FMN1: variants seen among roughly 807,000 people sequenced by gnomAD.
The protein encoded by FMN1 is formin-1.
A neutral mutation model predicts 132.4 loss-of-function variants in FMN1; 110 were observed. The ratio of observed to expected loss-of-function variants is 0.83; its 90% CI spans 0.71 to 0.97. FMN1 has a LOEUF of 0.97. Ranked by LOEUF, FMN1 falls within the 50% of genes least tolerant of loss-of-function variation. The pLI, the probability that FMN1 is intolerant of heterozygous loss-of-function variation, is 0.00. For synonymous variants in FMN1, 722 were observed against 651.7 expected (o/e 1.11, Z -1.64); for missense variants, 1,792 against 1,705.3 (o/e 1.05, Z -0.90).
At chr15:32,921,722 G>A (rs2140325778) in intron 10 of FMN1, among the ~76,000 whole-genome samples, 1 of 148,658 alleles carries the variant, frequency 6.7e-6, no homozygotes, top group Admixed American at 6.8e-5. Context: ...TGTTGCCCAG[G>A]CTGGAGTACA....
rs1384724114 is a variant in FMN1, at chr15:33,066,961, G to C, written c.2044-1887C>G. On this transcript the variant is annotated intron_variant, in intron 5 of 20. Coordinates refer to ENST00000616417, the MANE Select transcript of FMN1 (RefSeq NM_001277313.2). ...ACTTCTGCACAGGCTGCGTCAATTT[G>C]AGCAAAGCTAAGTCCCCATCCTTTG... The C allele has an allele frequency of 2.5e-6, 4 of 1,613,902 alleles. No individual in the cohort carries two copies. In the South Asian group the frequency reaches 4.4e-5, roughly 18 times the overall value.
chr15:33,084,675 C>T (rs189059479), intron 5 of FMN1, among the ~76,000 whole-genome samples: 1 of 152,194 alleles, frequency 6.6e-6, no homozygotes, highest in African/African-American at 2.4e-5. Flanking sequence ...ATAGATGCCC[C>T]CAGAGTCTTC....
At chr15:32,983,697 A>G (rs556915737) in intron 7 of FMN1, among the ~76,000 whole-genome samples, 2 of 152,334 alleles carry the variant, frequency 1.3e-5, no homozygotes, top group South Asian at 2.1e-4. Flanking sequence ...CACAGAAAGT[A>G]GAGTAAAATG....
chr15:32,982,932 G>C (rs569449271), intron 7 of FMN1, among the ~76,000 whole-genome samples: 1 of 151,776 alleles, frequency 6.6e-6, no homozygotes, highest in African/African-American at 2.4e-5. Context: ...ACTTATCAGC[G>C]TCCATCATCA....
chr15:32,898,146 C>T (rs950982842), intron 15 of FMN1, among the ~76,000 whole-genome samples: 22 of 152,118 alleles, frequency 1.4e-4, no homozygotes, highest in African/African-American at 4.6e-4. Context: ...ATTCTTCCCT[C>T]GATGCTTAGG....
intron 9 of FMN1, among the ~76,000 whole-genome samples, chr15:32,928,834 T>A (rs1337363782): frequency 6.6e-6 from 1 of 152,166 alleles, no homozygotes; most frequent in Non-Finnish European, 1.5e-5. Flanking sequence ...CTACCAGTAA[T>A]ACTCTGCCTA....
At chr15:32,796,924 C>T (rs140913782) in intron 19 of FMN1, among the ~76,000 whole-genome samples, 2,567 of 152,246 alleles carry the variant, frequency 0.017, 27 homozygotes, top group Middle Eastern at 0.037. Flanking sequence ...CCTCACAGAG[C>T]ATGGCTGGAA....
chr15:32,871,513 G>A (rs1480762412), intron 16 of FMN1, among the ~76,000 whole-genome samples: 1 of 152,146 alleles, frequency 6.6e-6, no homozygotes, highest in Non-Finnish European at 1.5e-5. Flanking sequence ...CCTGTAGTTG[G>A]ATAGTGAAAT....
chr15:33,190,655 T>G (rs186816426), intron 2 of FMN1, among the ~76,000 whole-genome samples: 27 of 152,308 alleles, frequency 1.8e-4, no homozygotes, highest in African/African-American at 6.5e-4. Flanking sequence ...AGTCTTCAGA[T>G]CGTATCATGT....
chr15:32,819,460 T>G (rs2141093370), intron 17 of FMN1, among the ~76,000 whole-genome samples: 1 of 152,322 alleles, frequency 6.6e-6, no homozygotes, highest in East Asian at 1.9e-4. Flanking sequence ...CTAACTTTAT[T>G]CTGGCATATG....
At chr15:33,045,642 G>C (rs2036643389) in intron 6 of FMN1, among the ~76,000 whole-genome samples, 1 of 152,182 alleles carries the variant, frequency 6.6e-6, no homozygotes, top group Non-Finnish European at 1.5e-5. Flanking sequence ...GTCCAGGATT[G>C]AATCTGATCT....
chr15:32,895,575 C>G (rs1453980371), intron 15 of FMN1, among the ~76,000 whole-genome samples: 2 of 151,736 alleles, frequency 1.3e-5, no homozygotes. Flanking sequence ...GACTTAGAGA[C>G]CTTAAACAGA....
intron 6 of FMN1, among the ~76,000 whole-genome samples, chr15:33,058,309 C>A (rs546971897): frequency 3.3e-5 from 5 of 152,146 alleles, no homozygotes; most frequent in Non-Finnish European, 7.3e-5. Flanking sequence ...TATGGAGTAT[C>A]GACCTCATTC....
At chr15:32,825,165 T>G (rs1024050324) in intron 17 of FMN1, among the ~76,000 whole-genome samples, 1 of 152,262 alleles carries the variant, frequency 6.6e-6, no homozygotes, top group Non-Finnish European at 1.5e-5. Flanking sequence ...CCTGAGCTAC[T>G]TCAGTAACTT....
At chr15:32,788,420 C>T (rs1368921092) in intron 19 of FMN1, among the ~76,000 whole-genome samples, 2 of 152,194 alleles carry the variant, frequency 1.3e-5, no homozygotes, top group Admixed American at 6.5e-5. Flanking sequence ...CATGCATGTG[C>T]TAGCAGATGC....
chr15:32,768,846 C>CT lies in FMN1; in HGVS notation c.*5463dup, dbSNP rs1461156025. ...TAGAAAAATAAATTGATGGCTATAT[C>CT]TAACACCTTCATATAAAAATGGAAT... is the stretch of plus-strand genomic sequence containing the variant. On this transcript the variant is annotated 3_prime_UTR_variant, in exon 21 of 21. Transcript: ENST00000616417. The CT allele has an allele frequency of 2.0e-5, 3 of 152,148 alleles. No individual in the cohort carries two copies. Among genetic ancestry groups the CT allele is most frequent in the Non-Finnish European group, 2.9e-5 (2 of 68,024 alleles). 9.4% of individuals were successfully genotyped at this position (152,148 alleles called of 1,614,324 possible).
At chr15:33,092,545 T>C (rs187662801) in intron 4 of FMN1, among the ~76,000 whole-genome samples, 96 of 152,244 alleles carry the variant, frequency 6.3e-4, no homozygotes, top group African/African-American at 2.2e-3. Flanking sequence ...GCCCTCACCA[T>C]GAGACGAACA....
intron 16 of FMN1, among the ~76,000 whole-genome samples, chr15:32,873,938 A>G (rs192914843): frequency 6.6e-6 from 1 of 151,350 alleles, no homozygotes; most frequent in East Asian, 1.9e-4. Context: ...AATTATTCCT[A>G]GATTAGCCGC....
intron 5 of FMN1, chr15:33,066,648 G>T (rs752787150): frequency 6.2e-7 from 1 of 1,613,802 alleles, no homozygotes; most frequent in South Asian, 1.1e-5. Flanking sequence ...CCCTTTCTGG[G>T]GGGCCGGATG....
Sources: gnomAD v4.1 joint callset for allele counts (sites outside exome capture counted in the v4.1 genomes callset) on GRCh38, gnomAD v4.1.1 for gene constraint, MANE v1.5 for transcripts, NCBI Gene and HGNC (gene_info 2026-07-23, HGNC 2026-07-21) for gene names.